The following NR6A1 variants were observed in gnomAD, a reference collection of about 807,000 sequenced individuals.
The protein encoded by NR6A1 is nuclear receptor subfamily 6 group A member 1.
NR6A1 carries 7 observed loss-of-function variants against 59.1 expected under a neutral mutation model. The ratio of observed to expected loss-of-function variants is 0.12; its 90% CI spans 0.07 to 0.22. The LOEUF (loss-of-function observed/expected upper bound fraction) is 0.22, where lower values mean the gene tolerates loss of function less well. NR6A1 is among the 10% of genes least tolerant of loss of function. The pLI is 1.00. For missense variants in NR6A1, 468 were observed against 611.6 expected (o/e 0.77, Z 2.48); for synonymous variants, 243 against 236.1 (o/e 1.03, Z -0.27).
At chr9:124,662,343 C>T (rs1837465200) in intron 2 of NR6A1, among the ~76,000 whole-genome samples, 1 of 152,134 alleles carries the variant, frequency 6.6e-6, no homozygotes, top group Admixed American at 6.5e-5. Context: ...GTCACTTGGT[C>T]TTGAGTAGGT....
chr9:124,544,198 G>A (rs900877795), intron 3 of NR6A1, among the ~76,000 whole-genome samples: 15 of 152,166 alleles, frequency 9.9e-5, no homozygotes, highest in Admixed American at 3.9e-4. Flanking sequence ...TCTAGGGGAG[G>A]GACAGAGTAT....
chr9:124,537,794 G>C (rs901035532), intron 6 of NR6A1, among the ~76,000 whole-genome samples: 9 of 152,194 alleles, frequency 5.9e-5, no homozygotes, highest in South Asian at 2.1e-4. Flanking sequence ...CTCTAGCATG[G>C]AAGTGCTCTG....
intron 2 of NR6A1, among the ~76,000 whole-genome samples, chr9:124,696,813 T>C (rs1029659380): frequency 6.6e-6 from 1 of 151,982 alleles, no homozygotes; most frequent in African/African-American, 2.4e-5. Flanking sequence ...CGTACCACCA[T>C]GCCTGGATAA....
chr9:124,596,387 A>T (rs1243196935), intron 2 of NR6A1, among the ~76,000 whole-genome samples: 1 of 152,160 alleles, frequency 6.6e-6, no homozygotes, highest in African/African-American at 2.4e-5. Flanking sequence ...AATTCCTCTA[A>T]GAAAATTAAT....
At chr9:124,712,453 A>T (rs948751898) in intron 2 of NR6A1, among the ~76,000 whole-genome samples, 5 of 152,090 alleles carry the variant, frequency 3.3e-5, no homozygotes, top group Admixed American at 3.3e-4. Context: ...TACTAAAAAT[A>T]CAAAAATTAG....
intron 2 of NR6A1, among the ~76,000 whole-genome samples, chr9:124,664,279 C>T (rs926078192): frequency 3.9e-5 from 6 of 152,176 alleles, no homozygotes; most frequent in Non-Finnish European, 5.9e-5. Context: ...CTAAAGCAAA[C>T]AGCGGAAGTG....
chr9:124,746,078 A>G (rs1344929310), intron 1 of NR6A1, among the ~76,000 whole-genome samples: 3 of 152,048 alleles, frequency 2.0e-5, no homozygotes, highest in African/African-American at 7.3e-5. Context: ...GAAAAAAAAA[A>G]CTACCATTCT....
At chr9:124,529,759 G>C (rs1282318883) in intron 7 of NR6A1, among the ~76,000 whole-genome samples, 2 of 152,206 alleles carry the variant, frequency 1.3e-5, no homozygotes, top group East Asian at 1.9e-4. Context: ...AACTGCCACT[G>C]CAAGTGCCTC....
intron 2 of NR6A1, among the ~76,000 whole-genome samples, chr9:124,591,524 G>C (rs1036048425): frequency 1.3e-5 from 2 of 152,194 alleles, no homozygotes; most frequent in South Asian, 2.1e-4. Context: ...GATCCATCCA[G>C]AGGCAACAGA....
intron 2 of NR6A1, among the ~76,000 whole-genome samples, chr9:124,605,794 T>C (rs1835561558): frequency 6.6e-6 from 1 of 152,212 alleles, no homozygotes; most frequent in Admixed American, 6.5e-5. Flanking sequence ...ATTATACTAC[T>C]TTGTATTTCT....
chr9:124,734,831 T>C (rs1588840130), intron 1 of NR6A1, among the ~76,000 whole-genome samples: 1 of 152,208 alleles, frequency 6.6e-6, no homozygotes. Flanking sequence ...GCAGGCCAAC[T>C]GCTTAAACAC....
At chr9:124,535,348 C>T (rs926228236) in intron 7 of NR6A1, among the ~76,000 whole-genome samples, 2 of 152,300 alleles carry the variant, frequency 1.3e-5, no homozygotes, top group South Asian at 2.1e-4. Context: ...GAGGCTGAGA[C>T]GGGTAGATCA....
In NR6A1 at chr9:124,554,254, G is replaced by A. The variant is rs1329444044; in HGVS notation, c.385+74C>T. On this transcript the variant is annotated intron_variant, in intron 3 of 9. Transcript: ENST00000487099. Reference sequence around the variant, plus strand: ...TATGTAGTGCAAGCTTGAGGAATAAGTAACTAAACAGCTGACACTAAAGGT... The same window carrying A: ...TATGTAGTGCAAGCTTGAGGAATAAATAACTAAACAGCTGACACTAAAGGT... 11 of 1,602,360 alleles carry A rather than the reference G, an allele frequency of 6.9e-6. No homozygotes were observed. The Admixed American group carries it at 1.7e-4, about 24-fold the overall frequency.
At chr9:124,710,892 T>G (rs1839259553) in intron 2 of NR6A1, among the ~76,000 whole-genome samples, 1 of 152,204 alleles carries the variant, frequency 6.6e-6, no homozygotes, top group South Asian at 2.1e-4. Context: ...TTTGCTTTAC[T>G]CTTCAATTAC....
At chr9:124,546,322 G>A in intron 3 of NR6A1, among the ~76,000 whole-genome samples, 1 of 152,150 alleles carries the variant, frequency 6.6e-6, no homozygotes, top group East Asian at 1.9e-4. Flanking sequence ...AGCAGAATCA[G>A]GGTTGGAACC....
chr9:124,692,888 A>G (rs1342970330), intron 2 of NR6A1, among the ~76,000 whole-genome samples: 2 of 152,242 alleles, frequency 1.3e-5, no homozygotes, highest in African/African-American at 4.8e-5. Flanking sequence ...CAGTTAAATA[A>G]TTACTCCCAT....
At chr9:124,679,291 T>C (rs1472414272) in intron 2 of NR6A1, among the ~76,000 whole-genome samples, 1 of 152,208 alleles carries the variant, frequency 6.6e-6, no homozygotes, top group African/African-American at 2.4e-5. Flanking sequence ...TTACTGGCTA[T>C]ATTGTGACTG....
chr9:124,694,212 T>C (rs1327893625), intron 2 of NR6A1, among the ~76,000 whole-genome samples: 2 of 152,170 alleles, frequency 1.3e-5, no homozygotes, highest in Non-Finnish European at 2.9e-5. Context: ...ATAAATATCA[T>C]AACTAGAATT....
At chr9:124,727,736 G>A (rs761743092) in intron 2 of NR6A1, among the ~76,000 whole-genome samples, 1 of 152,126 alleles carries the variant, frequency 6.6e-6, no homozygotes, top group Non-Finnish European at 1.5e-5. Flanking sequence ...CCAGGCTGGA[G>A]TGCAGTGGCA....
Sources: gnomAD v4.1 joint callset for allele counts (sites outside exome capture counted in the v4.1 genomes callset) on GRCh38, gnomAD v4.1.1 for gene constraint, MANE v1.5 for transcripts, NCBI Gene and HGNC (gene_info 2026-07-23, HGNC 2026-07-21) for gene names.